The following PKHD1 variants were observed in gnomAD, a reference collection of about 807,000 sequenced individuals.
PKHD1 encodes the protein fibrocystin.
In PKHD1, 291 loss-of-function variants were observed where a neutral mutation model predicts 412.0. The observed-to-expected ratio is 0.71, with a 90% CI of 0.64 to 0.78. The LOEUF (loss-of-function observed/expected upper bound fraction) is 0.78. Ranked by LOEUF, PKHD1 falls within the 30% of genes least tolerant of loss-of-function variation. PKHD1 has a pLI of 0.00. For missense variants in PKHD1, 4,825 were observed against 4,950.7 expected (o/e 0.97, Z 0.76); for synonymous variants, 1,777 against 1,821.5 (o/e 0.98, Z 0.62).
rs190167278 is a variant in PKHD1, at chr6:52,065,162, T to G, written c.881-112A>C. 0.25 allele frequency: 15,736 copies of G among 64,124 alleles called. 1,697 individuals carry two copies. The highest frequency in any genetic ancestry group is 0.35 in the African/African-American group (4,493 of 12,836). 4.0% of individuals were successfully genotyped at this position (64,124 alleles called of 1,614,324 possible). A position where few individuals can be genotyped will look rare whatever the true frequency, so the allele number is the denominator to read the frequency against. ...ATATATATATATATATATATATATA[T>G]ATATATAGAGAGAGAGAGAGAGAGA... On this transcript the variant is annotated intron_variant, in intron 12 of 66. Transcript: ENST00000371117.
intron 50 of PKHD1, among the ~76,000 whole-genome samples, chr6:51,842,087 G>A (rs370194796): frequency 6.6e-6 from 1 of 152,202 alleles, no homozygotes; most frequent in African/African-American, 2.4e-5. Context: ...CCCTTTATTC[G>A]TGGTGAGGCG....
intron 57 of PKHD1, among the ~76,000 whole-genome samples, chr6:51,751,519 AG>A (rs1050715779): frequency 6.6e-6 from 1 of 152,218 alleles, no homozygotes; most frequent in African/African-American, 2.4e-5. Context: ...ATTGAGTGAA[AG>A]GTATACAGGA....
rs780520872 is a variant in PKHD1 at position 51,836,447 on chromosome 6, T to G, written c.8130A>C (p.Gln2710His). The G allele has an allele frequency of 1.2e-5, 20 of 1,613,090 alleles. No individual in the cohort carries two copies. The highest frequency in any genetic ancestry group is 1.7e-5 in the Admixed American group (1 of 59,994). The change falls in exon 51 of 67, where the codon CAA becomes CAC. Residue 2710 changes from glutamine to histidine, a missense_variant. Gln to His is a conservative substitution (Grantham distance 24, BLOSUM62 0). Coordinates refer to ENST00000371117, the MANE Select transcript of PKHD1 (RefSeq NM_138694.4). ...TYLVSGEGQVQVILRVKEGMP... is the reference protein window; with the variant it reads ...TYLVSGEGQVHVILRVKEGMP... ...TACCTTCCTTCACCCGGAGAATGAC[T>G]TGAACTTGGCCTTCACCTGAAACTA...
chr6:51,642,281 G>T (rs1769468352), intron 63 of PKHD1, among the ~76,000 whole-genome samples: 1 of 152,080 alleles, frequency 6.6e-6, no homozygotes, highest in Non-Finnish European at 1.5e-5. Flanking sequence ...CATAAGTAAG[G>T]TACTGGGTAT....
intron 59 of PKHD1, 56 bp downstream of exon 59, chr6:51,746,665 G>T: frequency 9.1e-7 from 1 of 1,094,296 alleles, no homozygotes; most frequent in Non-Finnish European, 1.4e-6. Context: ...TTTAGGGTTT[G>T]AAGAATTGCC....
intron 5 of PKHD1, among the ~76,000 whole-genome samples, chr6:52,076,920 T>C (rs530429787): frequency 7.2e-5 from 11 of 152,210 alleles, no homozygotes; most frequent in African/African-American, 2.4e-4. Context: ...CTCAAAAGAT[T>C]CAAGGAATGG....
At chr6:51,870,664 G>A (rs752303004) in intron 46 of PKHD1, 25 bp from the exon 47 acceptor site, 1 of 1,589,754 alleles carries the variant, frequency 6.3e-7, no homozygotes, top group Non-Finnish European at 8.6e-7. Flanking sequence ...AAAAAAAGAT[G>A]AAAGCAAAAT....
intron 21 of PKHD1, among the ~76,000 whole-genome samples, 191 bp from the exon 22 acceptor site, chr6:52,050,486 AG>A (rs1428076849): frequency 6.6e-6 from 1 of 152,258 alleles, no homozygotes; most frequent in Non-Finnish European, 1.5e-5. Flanking sequence ...TAGTACAAAA[AG>A]GAAAGTGCAA....
In PKHD1 at chr6:51,618,815, G is replaced by A; in HGVS notation, c.*266C>T. The A allele has an allele frequency of 2.0e-6, 1 of 494,842 alleles. No individual in the cohort carries two copies. The highest frequency in any genetic ancestry group is 3.7e-6 in the Non-Finnish European group (1 of 272,412). The allele number at this position is 494,842 out of a possible 1,614,324, so 30.7% of individuals were successfully genotyped here. A position where few individuals can be genotyped will look rare whatever the true frequency, so the allele number is the denominator to read the frequency against. The stretch of plus-strand genomic sequence containing the variant: ...ATCAAGTTGTTAAAATCAGGCTTAA[G>A]TTAAAAACTGGTAAATAATTAACAA... On this transcript the variant is annotated 3_prime_UTR_variant, in exon 67 of 67. Coordinates refer to ENST00000371117, the MANE Select transcript of PKHD1 (RefSeq NM_138694.4).
intron 2 of PKHD1, among the ~76,000 whole-genome samples, chr6:52,083,862 C>T (rs928516469): frequency 1.3e-5 from 2 of 152,050 alleles, no homozygotes; most frequent in Non-Finnish European, 2.9e-5. Flanking sequence ...CTAGTTTTCC[C>T]TCATGATCAG....
rs1301397156 is a variant in PKHD1 at position 51,981,989 on chromosome 6, G to A, written c.5752-21963C>T. 4.9e-4 allele frequency among the ~76,000 whole-genome samples: 37 copies of A among 75,846 alleles called. 1 individual carries two copies. The highest frequency in any genetic ancestry group is 1.2e-3 in the African/African-American group (36 of 29,556). 49.8% of individuals were successfully genotyped at this position (75,846 alleles called of 152,430 possible). A position where few individuals can be genotyped will look rare whatever the true frequency, so the allele number is the denominator to read the frequency against. On this transcript the variant is annotated intron_variant, in intron 35 of 66. Transcript: ENST00000371117. ...CCCGCCGCCCTGTCTGGGATGTGAG[G>A]AGCGCCTCTGCTGGCCGCAACCCCG...
At chr6:52,029,163 A>G (rs1200211911) in intron 29 of PKHD1, among the ~76,000 whole-genome samples, 1 of 152,058 alleles carries the variant, frequency 6.6e-6, no homozygotes, top group Non-Finnish European at 1.5e-5. Context: ...TATGACTGGT[A>G]TTTTGCATTT....
In PKHD1 at chr6:52,054,242, A is replaced by T. The variant is rs185588256; in HGVS notation, c.1837-77T>A. 7.8e-6 allele frequency: 11 copies of T among 1,418,168 alleles called. No homozygotes were observed. The Admixed American group carries it at 1.5e-4, about 20-fold the overall frequency. The allele number at this position is 1,418,168 out of a possible 1,614,324, so 87.8% of individuals were successfully genotyped here. ...TCAAACAATACGTAGTGAGGAGTCC[A>T]CATCCCTAGAACCCTGCCATAGGCT... On this transcript the variant is annotated intron_variant, in intron 19 of 66. Transcript: ENST00000371117.
intron 43 of PKHD1, among the ~76,000 whole-genome samples, chr6:51,893,546 T>C (rs1245921948): frequency 6.6e-6 from 1 of 152,206 alleles, no homozygotes; most frequent in East Asian, 1.9e-4. Flanking sequence ...TTGTGTATGC[T>C]ACAAATGATT....
At chr6:51,635,876 C>CGGGGGGGGGTGGGG (rs1581768607) in intron 64 of PKHD1, among the ~76,000 whole-genome samples, 1 of 41,504 alleles carries the variant, frequency 2.4e-5, no homozygotes, top group Admixed American at 2.3e-4. Context: ...GGCGGGGGGC[C>CGGGGGGGGGTGGGG]GGGGGCGGAT....
chr6:51,654,203 A>C lies in PKHD1; in HGVS notation c.11174+4749T>G, dbSNP rs541799333. Among the ~76,000 whole-genome samples, 9 of 152,264 alleles carry C rather than the reference A, an allele frequency of 5.9e-5. No individual in the cohort carries two copies. In the South Asian group the frequency reaches 1.7e-3, roughly 28 times the overall value. On this transcript the variant is annotated intron_variant, in intron 61 of 66. Coordinates refer to ENST00000371117, the MANE Select transcript of PKHD1 (RefSeq NM_138694.4). ...AAGTCGAAACCTTGACCACCTAATA[A>C]ATTTTATAAAGATTAACATTTTATA...
At chr6:52,064,643 C>A (rs759894927) in intron 13 of PKHD1, among the ~76,000 whole-genome samples, 1 of 152,062 alleles carries the variant, frequency 6.6e-6, no homozygotes, top group Non-Finnish European at 1.5e-5. Context: ...TGAAGGCGGG[C>A]AGTTTGGGGG....
At chr6:51,848,604 G>A (rs12529074) in intron 49 of PKHD1, among the ~76,000 whole-genome samples, 14,046 of 152,178 alleles carry the variant, frequency 0.092, 863 homozygotes, top group Non-Finnish European at 0.12. Context: ...ACACCCTACT[G>A]TTTTCACTGC....
rs138190023 is a variant in PKHD1 at position 51,849,852 on chromosome 6, A to G, written c.7912-1882T>C. Among the ~76,000 whole-genome samples, 136 of 152,076 alleles carry G rather than the reference A, an allele frequency of 8.9e-4. 1 individual carries two copies. The highest frequency in any genetic ancestry group is 6.6e-3 in the Admixed American group (101 of 15,270). On this transcript the variant is annotated intron_variant, in intron 49 of 66. Coordinates refer to ENST00000371117, the MANE Select transcript of PKHD1 (RefSeq NM_138694.4). ...CTCCCATTCTGTAGGTTGCTTGTTC[A>G]CTCTGATGATAGTTTCTTTTGCTGT... is the stretch of plus-strand genomic sequence containing the variant.
Sources: allele counts gnomAD v4.1 joint callset (sites outside exome capture counted in the v4.1 genomes callset), GRCh38; gene constraint gnomAD v4.1.1; transcripts MANE v1.5; gene names NCBI Gene and HGNC (gene_info 2026-07-23, HGNC 2026-07-21).